The following MED27 variants were observed in gnomAD, a reference collection of about 807,000 sequenced individuals.
The protein encoded by MED27 is mediator complex subunit 27.
Under a neutral mutation model 38.2 loss-of-function variants are expected in MED27, and 30 were observed. The observed-to-expected ratio is 0.79, with a 90% CI of 0.59 to 1.07. MED27 has a LOEUF of 1.07. Ranked by LOEUF, MED27 falls within the 50% of genes least tolerant of loss-of-function variation. MED27 has a pLI of 0.00. For synonymous variants in MED27, 122 were observed against 153.5 expected, an observed-to-expected ratio of 0.79 and a Z score of 1.52; for missense variants, 289 against 397.5, an observed-to-expected ratio of 0.73 and a Z score of 2.32.
intron 3 of MED27, among the ~76,000 whole-genome samples, chr9:131,941,060 T>C (rs1402311189): frequency 6.6e-6 from 1 of 152,184 alleles, no homozygotes; most frequent in Non-Finnish European, 1.5e-5. Flanking sequence ...TGGTAGCGCA[T>C]TGTGAAGACA....
intron 4 of MED27, among the ~76,000 whole-genome samples, chr9:131,903,723 T>G (rs891084539): frequency 6.6e-6 from 1 of 152,078 alleles, no homozygotes; most frequent in Non-Finnish European, 1.5e-5. Context: ...ATATTATCAC[T>G]GTTGTCATTA....
chr9:131,998,924 A>G (rs1279477604), intron 3 of MED27, among the ~76,000 whole-genome samples: 1 of 152,118 alleles, frequency 6.6e-6, no homozygotes, highest in East Asian at 1.9e-4. Context: ...AAAAAAAAAA[A>G]TCTAAATCTA....
chr9:132,023,743 G>A (rs1222667406), intron 2 of MED27, among the ~76,000 whole-genome samples: 1 of 152,116 alleles, frequency 6.6e-6, no homozygotes, highest in Non-Finnish European at 1.5e-5. Flanking sequence ...GAAGGAGACA[G>A]GAAAACAGGG....
intron 3 of MED27, among the ~76,000 whole-genome samples, chr9:131,954,488 G>A (rs1831056114): frequency 6.6e-6 from 1 of 152,166 alleles, no homozygotes; most frequent in Non-Finnish European, 1.5e-5. Flanking sequence ...CAAACTTTTA[G>A]AGGGTGCCCT....
rs116230128 is a variant in MED27, at chr9:131,990,802, C to A, written c.479+23535G>T. Among the ~76,000 whole-genome samples, 794 of 152,320 alleles carry A rather than the reference C, an allele frequency of 5.2e-3. 3 individuals carry two copies. Among genetic ancestry groups the A allele is most frequent in the African/African-American group, 0.017 (712 of 41,570 alleles). On this transcript the variant is annotated intron_variant, in intron 3 of 7. Coordinates refer to ENST00000292035, the MANE Select transcript of MED27 (RefSeq NM_004269.4). Reference sequence around the variant, plus strand: ...GCACCTCCTGGAGGACTGCGGCTCGCAATAATCCCATGGCCCACCTCTATG... The same window carrying A: ...GCACCTCCTGGAGGACTGCGGCTCGAAATAATCCCATGGCCCACCTCTATG...
chr9:131,916,811 T>C (rs1830297982), intron 4 of MED27, among the ~76,000 whole-genome samples: 1 of 152,140 alleles, frequency 6.6e-6, no homozygotes, highest in African/African-American at 2.4e-5. Context: ...TACCATCAAA[T>C]GGCATTCTAA....
intron 2 of MED27, among the ~76,000 whole-genome samples, chr9:132,060,375 T>C (rs1833671371): frequency 6.6e-6 from 1 of 152,200 alleles, no homozygotes; most frequent in Admixed American, 6.5e-5. Context: ...CATGTACACC[T>C]GTAAGATACA....
chr9:132,057,470 A>G (rs1482029109), intron 2 of MED27, among the ~76,000 whole-genome samples: 1 of 152,220 alleles, frequency 6.6e-6, no homozygotes, highest in Non-Finnish European at 1.5e-5. Context: ...TGCCTTCAAG[A>G]GGGAACAGAG....
chr9:131,939,709 T>C (rs1830748996), intron 3 of MED27, among the ~76,000 whole-genome samples: 1 of 152,116 alleles, frequency 6.6e-6, no homozygotes, highest in Non-Finnish European at 1.5e-5. Context: ...TCTTCTTCTA[T>C]AGGAGGTCAG....
intron 2 of MED27, among the ~76,000 whole-genome samples, chr9:132,025,308 G>A (rs1589273508): frequency 1.3e-5 from 2 of 151,932 alleles, no homozygotes; most frequent in South Asian, 2.1e-4. Flanking sequence ...TCAGCCTCGC[G>A]AGTTGCTGGG....
At chr9:131,966,996 T>C (rs1831364418) in intron 3 of MED27, among the ~76,000 whole-genome samples, 1 of 152,238 alleles carries the variant, frequency 6.6e-6, no homozygotes, top group Non-Finnish European at 1.5e-5. Flanking sequence ...CTTCATCTGA[T>C]AAAGAGGAAC....
intron 6 of MED27, 23 bp downstream of exon 6, chr9:131,884,035 A>G: frequency 1.2e-6 from 2 of 1,606,430 alleles, no homozygotes; most frequent in Non-Finnish European, 1.7e-6. Flanking sequence ...CCGCTTGAGT[A>G]AGAAGCAAAA....
At chr9:131,919,870 G>A (rs1250654187) in intron 4 of MED27, among the ~76,000 whole-genome samples, 2 of 149,914 alleles carry the variant, frequency 1.3e-5, no homozygotes, top group South Asian at 4.2e-4. Flanking sequence ...GTGCAGTGGC[G>A]TGATCATGGC....
intron 3 of MED27, among the ~76,000 whole-genome samples, chr9:131,989,571 C>T (rs917096172): frequency 1.3e-5 from 2 of 152,156 alleles, no homozygotes; most frequent in African/African-American, 2.4e-5. Flanking sequence ...ACCATCTTCA[C>T]CATTTTTAAA....
At chr9:132,035,031 C>G (rs2131109006) in intron 2 of MED27, among the ~76,000 whole-genome samples, 1 of 152,152 alleles carries the variant, frequency 6.6e-6, no homozygotes, top group East Asian at 1.9e-4. Context: ...GACTCCCAGG[C>G]TACGTAACTT....
intron 3 of MED27, among the ~76,000 whole-genome samples, chr9:131,969,936 C>G (rs1831438064): frequency 6.6e-6 from 1 of 152,174 alleles, no homozygotes. Context: ...GCAGCACCAC[C>G]CAGCATCAGC....
At position 131,959,643 on chromosome 9, in the gene MED27, T is replaced by C. The variant is rs1589234728; in HGVS notation, c.480-20169A>G. On this transcript the variant is annotated intron_variant, in intron 3 of 7. Transcript: ENST00000292035. ...TCGATACACATTTCCTAAAGCTTAC[T>C]ACATGCACAAAGAAGCAATTATACA... Among the ~76,000 whole-genome samples the C allele has an allele frequency of 2.0e-5, 3 of 152,206 alleles. No individual in the cohort carries two copies. The East Asian group carries it at 5.8e-4, about 29-fold the overall frequency.
chr9:131,984,431 A>G (rs1464592938), intron 3 of MED27, among the ~76,000 whole-genome samples: 1 of 152,196 alleles, frequency 6.6e-6, no homozygotes, highest in Admixed American at 6.5e-5. Flanking sequence ...TTTGCCAGGC[A>G]CTGTTCTAGG....
Position 131,861,722 on chromosome 9 carries a change from G to A in MED27, c.802-1050C>T, listed in dbSNP as rs1838655154. 1.3e-5 allele frequency among the ~76,000 whole-genome samples: 2 copies of A among 151,900 alleles called. No homozygotes were observed. The highest frequency in any genetic ancestry group is 6.6e-5 in the Admixed American group (1 of 15,258). On this transcript the variant is annotated intron_variant, in intron 7 of 7. Coordinates refer to ENST00000292035, the MANE Select transcript of MED27 (RefSeq NM_004269.4). The surrounding 1 kb of genome is among the most constrained non-coding windows in gnomAD (Gnocchi z 4.4). ...AACAGATTCGTATTAATTAGCTGGT[G>A]TGGGCTGAGCACAGTGCTGAGTGCT... is the stretch of plus-strand genomic sequence containing the variant.
Sources: allele counts gnomAD v4.1 joint callset (sites outside exome capture counted in the v4.1 genomes callset), GRCh38; gene constraint gnomAD v4.1.1; non-coding constraint Gnocchi (gnomAD v3.1); transcripts MANE v1.5; gene names NCBI Gene and HGNC (gene_info 2026-07-23, HGNC 2026-07-21).